DPP6: variants seen among roughly 807,000 people sequenced by gnomAD.
DPP6 encodes the protein dipeptidyl peptidase like 6.
A neutral mutation model predicts 122.6 loss-of-function variants in DPP6; 69 were observed. The observed-to-expected ratio is 0.56, with a 90% CI of 0.46 to 0.69. The LOEUF (loss-of-function observed/expected upper bound fraction) is 0.69. Among genes scored for constraint, DPP6 ranks in the 30% least tolerant of loss-of-function variants. The pLI is 0.00. For synonymous variants in DPP6, 418 were observed against 433.1 expected, an observed-to-expected ratio of 0.97 and a Z score of 0.43; for missense variants, 928 against 1,116.9, an observed-to-expected ratio of 0.83 and a Z score of 2.41.
intron 1 of DPP6, among the ~76,000 whole-genome samples, chr7:153,962,547 G>A (rs1050989386): frequency 1.3e-4 from 20 of 152,144 alleles, no homozygotes; most frequent in African/African-American, 9.7e-5. Flanking sequence ...CCATCATGCC[G>A]TACAGTCGGT....
rs186223272 is a variant in DPP6 at position 154,173,845 on chromosome 7, G to A, written c.243+120782G>A. On this transcript the variant is annotated intron_variant, in intron 1 of 25. Transcript: ENST00000377770. Reference sequence around the variant, plus strand: ...ACTTCCCCAAACCAGTGGGACATCCGGGGCCTTTGACTGTGGCTGGGCTGC... The same window carrying A: ...ACTTCCCCAAACCAGTGGGACATCCAGGGCCTTTGACTGTGGCTGGGCTGC... 1.4e-4 allele frequency among the ~76,000 whole-genome samples: 22 copies of A among 152,226 alleles called. 1 individual carries two copies. The East Asian group carries it at 3.3e-3, about 23-fold the overall frequency.
intron 7 of DPP6, among the ~76,000 whole-genome samples, chr7:154,723,967 C>T (rs918113249): frequency 1.3e-5 from 2 of 152,158 alleles, no homozygotes; most frequent in African/African-American, 4.8e-5. Flanking sequence ...TTGATCCATG[C>T]ACCAGAAAAT....
chr7:154,079,922 T>C (rs1201563585), intron 1 of DPP6, among the ~76,000 whole-genome samples: 4 of 151,456 alleles, frequency 2.6e-5, no homozygotes, highest in Non-Finnish European at 5.9e-5. Flanking sequence ...TGGTCTGTGA[T>C]ATAGTGTGTC....
chr7:154,140,555 A>G (rs984332863), intron 1 of DPP6, among the ~76,000 whole-genome samples: 2 of 152,172 alleles, frequency 1.3e-5, no homozygotes, highest in African/African-American at 4.8e-5. Flanking sequence ...TCCTGGACTC[A>G]AGTGATCCTC....
intron 1 of DPP6, among the ~76,000 whole-genome samples, chr7:154,350,048 A>T (rs543877176): frequency 6.5e-4 from 99 of 152,276 alleles, no homozygotes; most frequent in Middle Eastern, 6.8e-3. Flanking sequence ...GGGGGTGATG[A>T]TTAAGTAAAA....
intron 1 of DPP6, among the ~76,000 whole-genome samples, chr7:154,174,639 T>G (rs1450667157): frequency 6.6e-6 from 1 of 152,234 alleles, no homozygotes. Context: ...TTATCACCAT[T>G]TCTTCATTAC....
At position 154,611,072 on chromosome 7, in the gene DPP6, C is replaced by T. The variant is rs947060262; in HGVS notation, c.628-26749C>T. 4.3e-4 allele frequency among the ~76,000 whole-genome samples: 65 copies of T among 152,074 alleles called. 1 individual carries two copies. Among genetic ancestry groups the T allele is most frequent in the Non-Finnish European group, 3.1e-4 (21 of 68,018 alleles). ...TGTGATGAATTTGTGTCCATTATTA[C>T]ATTATAGATGGTTTCATGCAGCCAT... On this transcript the variant is annotated intron_variant, in intron 5 of 25. Transcript: ENST00000377770.
chr7:154,810,949 C>T (rs1355938885), intron 16 of DPP6, among the ~76,000 whole-genome samples: 1 of 152,204 alleles, frequency 6.6e-6, no homozygotes, highest in Non-Finnish European at 1.5e-5. Context: ...AGTCTCCACC[C>T]TGCCTTTCTT....
the DPP6 span, among the ~76,000 whole-genome samples, chr7:153,768,210 G>C: frequency 4.8e-5 from 7 of 146,296 alleles, no homozygotes; most frequent in East Asian, 1.4e-3. Context: ...CTATTGTTAA[G>C]TACAGCAACC....
At chr7:154,308,093 A>G (rs1563449844) in intron 1 of DPP6, among the ~76,000 whole-genome samples, 1 of 152,080 alleles carries the variant, frequency 6.6e-6, no homozygotes, top group Non-Finnish European at 1.5e-5. Flanking sequence ...ACATCCTTCC[A>G]GCTGTTTGGT....
chr7:154,225,565 A>G (rs1800545161), intron 1 of DPP6, among the ~76,000 whole-genome samples: 1 of 150,036 alleles, frequency 6.7e-6, no homozygotes, highest in Non-Finnish European at 1.5e-5. Flanking sequence ...AATCGAAGAA[A>G]AAAAATGAGA....
At chr7:154,245,986 G>GTGCAA (rs1264683767) in intron 1 of DPP6, among the ~76,000 whole-genome samples, 2 of 152,116 alleles carry the variant, frequency 1.3e-5, no homozygotes, top group Admixed American at 6.6e-5. Context: ...TATTTTTAAA[G>GTGCAA]TGCAAGTAGA....
chr7:153,878,379 A>C, the DPP6 span, among the ~76,000 whole-genome samples: 1 of 102,532 alleles, frequency 9.8e-6, no homozygotes, highest in African/African-American at 3.2e-5. Context: ...CTATCCAAGC[A>C]AAAAAAAAAA....
rs137884084 is a variant in DPP6 at position 154,555,486 on chromosome 7, C to A, written c.553-11356C>A. 1.3e-4 allele frequency among the ~76,000 whole-genome samples: 20 copies of A among 151,604 alleles called. No homozygotes were observed. The East Asian group carries it at 3.7e-3, about 28-fold the overall frequency. On this transcript the variant is annotated intron_variant, in intron 4 of 25. Transcript: ENST00000377770. ...TGTTGTGGGGTGGGGGAAGGGGGGA[C>A]GGATAGCATTAGGAGATATACCTAA...
rs1344039025 is a variant in DPP6, at chr7:154,403,059, TTA to T, written c.244-43151_244-43150del. ...GCTAATAGCTAATTATCAGAGTTATTTATATGACTGTGTCAGGTACCTGCCTG... is the reference window on the plus strand; with the variant it reads ...GCTAATAGCTAATTATCAGAGTTATTTATGACTGTGTCAGGTACCTGCCTG... On this transcript the variant is annotated intron_variant, in intron 1 of 25. Transcript: ENST00000377770. This position sits in a 1 kb window ranked among gnomAD's most constrained non-coding sequence, Gnocchi z 4.1. Among the ~76,000 whole-genome samples the T allele has an allele frequency of 6.6e-6, 1 of 152,178 alleles. No homozygotes were observed. The highest frequency in any genetic ancestry group is 1.5e-5 in the Non-Finnish European group (1 of 68,006).
In DPP6 at chr7:154,585,451, C is replaced by A. The variant is rs143484762; in HGVS notation, c.627+18535C>A. 3.3e-3 allele frequency among the ~76,000 whole-genome samples: 496 copies of A among 152,288 alleles called. 5 individuals carry two copies. Among genetic ancestry groups the A allele is most frequent in the African/African-American group, 0.011 (465 of 41,566 alleles). ...ACAGAGAAGAATGACTTGCGAGGAT[C>A]AAGAAAGACAGGCTGAGTGAGCAGT... is the stretch of plus-strand genomic sequence containing the variant. On this transcript the variant is annotated intron_variant, in intron 5 of 25. Transcript: ENST00000377770.
chr7:153,841,028 C>T, the DPP6 span, among the ~76,000 whole-genome samples: 1 of 152,158 alleles, frequency 6.6e-6, no homozygotes, highest in Non-Finnish European at 1.5e-5. Context: ...TGAAGAAAAA[C>T]CAGCAAGGTC....
chr7:154,763,977 A>AG (rs34523217), intron 8 of DPP6, among the ~76,000 whole-genome samples: 87,898 of 151,840 alleles, frequency 0.58, 25,656 homozygotes, highest in Non-Finnish European at 0.61. Context: ...CTCACCTTGC[A>AG]CAGACCTGTG....
chr7:154,002,406 C>T (rs1797729244), intron 1 of DPP6, among the ~76,000 whole-genome samples: 1 of 152,216 alleles, frequency 6.6e-6, no homozygotes, highest in Non-Finnish European at 1.5e-5. Flanking sequence ...CTTCATTGCT[C>T]AACCTTACAC....
Sources: allele counts gnomAD v4.1 joint callset (sites outside exome capture counted in the v4.1 genomes callset), GRCh38; gene constraint gnomAD v4.1.1; non-coding constraint Gnocchi (gnomAD v3.1); transcripts MANE v1.5; gene names NCBI Gene and HGNC (gene_info 2026-07-23, HGNC 2026-07-21).